Variants in CKAP5 observed in about 807,000 individuals in gnomAD.
The protein encoded by CKAP5 is cytoskeleton-associated protein 5.
CKAP5 carries 27 observed loss-of-function variants against 232.8 expected under a neutral mutation model. The ratio of observed to expected loss-of-function variants is 0.12; its 90% CI spans 0.09 to 0.16. The LOEUF is 0.16. Ranked by LOEUF, CKAP5 falls within the 10% of genes least tolerant of loss-of-function variation. The pLI, the probability that CKAP5 is intolerant of heterozygous loss-of-function variation, is 1.00. For synonymous variants in CKAP5, 785 were observed against 841.1 expected (o/e 0.93, Z 1.16); for missense variants, 1,838 against 2,424.7 (o/e 0.76, Z 5.08).
chr11:46,823,941 G>A (rs1939598467), intron 1 of CKAP5, among the ~76,000 whole-genome samples: 1 of 152,080 alleles, frequency 6.6e-6, no homozygotes. Context: ...TTTGTTTATT[G>A]AATATATACT....
At chr11:46,821,421 CTTTTTTTTT>C (rs369366613) in intron 1 of CKAP5, among the ~76,000 whole-genome samples, 153 bp from the exon 2 acceptor site, 1 of 105,200 alleles carries the variant, frequency 9.5e-6, no homozygotes, top group Admixed American at 1.3e-4. Context: ...ATTAACAGGA[CTTTTTTTTT>C]TTTTTTTTTT....
In CKAP5 at chr11:46,780,273, T is replaced by C. The variant is rs11038988; in HGVS notation, c.2354A>G (p.Tyr785Cys). Residue 785 changes from tyrosine to cysteine, a missense_variant, in exon 20 of 44, where the codon TAT becomes TGT. Around this residue, in one of 6 missense-constraint regions of CKAP5, gnomAD observed 767 missense variants for 954.6 expected, o/e 0.80. Coordinates refer to ENST00000529230, the MANE Select transcript of CKAP5 (RefSeq NM_001008938.4). ...GAACATTCGCAAAGAGGGACCAACATACAGATACATCACGCCAAGCAGGGT... is the reference window on the plus strand; with the variant it reads ...GAACATTCGCAAAGAGGGACCAACACACAGATACATCACGCCAAGCAGGGT... Reference protein sequence around the residue: ...AITLLGVMYLYVGPSLRMFFE... With the variant: ...AITLLGVMYLCVGPSLRMFFE... 1.4e-5 allele frequency: 22 copies of C among 1,613,998 alleles called. No homozygotes were observed. The East Asian group carries it at 2.7e-4, about 20-fold the overall frequency.
intron 32 of CKAP5, 69 bp from the exon 33 acceptor site, chr11:46,760,853 A>G (rs1207814516): frequency 1.5e-5 from 21 of 1,370,620 alleles, no homozygotes; most frequent in Non-Finnish European, 2.1e-5. Context: ...ATCAAAACAA[A>G]TAGAACCTTC....
In CKAP5 at chr11:46,821,192, G is replaced by C. The variant is rs760318784; in HGVS notation, c.40C>G (p.Gln14Glu). ...AATCTTACCTTGTGTTCACATTTCT[G>C]ATCAACTGGCAGTTTCAACCACTCA... ...DSEWLKLPVD[Q>E]KCEHKLWKAR... is the part of the protein sequence containing the mutation. Residue 14 changes from glutamine to glutamate, a missense_variant, in exon 2 of 44, where the codon CAG becomes GAG. Gln to Glu is a conservative substitution (Grantham distance 29, BLOSUM62 2). Coordinates refer to ENST00000529230, the MANE Select transcript of CKAP5 (RefSeq NM_001008938.4). 4.3e-6 allele frequency: 7 copies of C among 1,612,918 alleles called. No homozygotes were observed. The highest frequency in any genetic ancestry group is 5.9e-6 in the Non-Finnish European group (7 of 1,179,078).
intron 9 of CKAP5, among the ~76,000 whole-genome samples, chr11:46,799,049 G>C (rs142051999): frequency 6.6e-6 from 1 of 152,296 alleles, no homozygotes; most frequent in Non-Finnish European, 1.5e-5. Context: ...ACCCACGTGG[G>C]AGTGCAGTGG....
At position 46,744,545 on chromosome 11, in the gene CKAP5, G is replaced by GCA; in HGVS notation, c.5735_5736dup (p.Pro1913CysfsTer11). The GCA allele has an allele frequency of 6.2e-7, 1 of 1,614,070 alleles. No homozygotes were observed. Among genetic ancestry groups the GCA allele is most frequent in the Non-Finnish European group, 8.5e-7 (1 of 1,179,972 alleles). ...GAGGACACTGTGCTTGTGGGCGTGG[G>GCA]CACACATGTGACTTCCATCTGAGGG... On this transcript the variant is annotated frameshift_variant, in exon 43 of 44. Transcript: ENST00000529230. LOFTEE classifies it high-confidence loss of function.
intron 8 of CKAP5, 52 bp from the exon 9 acceptor site, chr11:46,801,356 G>A (rs765547528): frequency 8.0e-6 from 11 of 1,370,434 alleles, no homozygotes; most frequent in Non-Finnish European, 1.1e-5. Context: ...ATGTAGAAGG[G>A]TATTGAAATT....
At chr11:46,843,121 C>T (rs117734176) in intron 1 of CKAP5, among the ~76,000 whole-genome samples, 2,624 of 151,326 alleles carry the variant, frequency 0.017, 30 homozygotes, top group Non-Finnish European at 0.028. Flanking sequence ...CTGCTGGTCT[C>T]CCACCATTAA....
intron 1 of CKAP5, among the ~76,000 whole-genome samples, chr11:46,842,801 A>G (rs1405530031): frequency 6.6e-6 from 1 of 151,298 alleles, no homozygotes; most frequent in East Asian, 2.0e-4. Context: ...CCCCATCTCT[A>G]CTGAAAATAC....
intron 1 of CKAP5, among the ~76,000 whole-genome samples, chr11:46,831,861 C>T (rs1392238547): frequency 5.0e-4 from 60 of 119,036 alleles, no homozygotes; most frequent in African/African-American, 1.8e-3. Context: ...TAAACTTATC[C>T]TTTTTTTTTT....
intron 33 of CKAP5, 61 bp from the exon 34 acceptor site, chr11:46,759,503 T>C: frequency 6.7e-7 from 1 of 1,496,258 alleles, no homozygotes; most frequent in East Asian, 2.3e-5. Context: ...AGGGCAAGAG[T>C]AGCACTGTCA....
chr11:46,832,460 A>C (rs997066461), intron 1 of CKAP5, among the ~76,000 whole-genome samples: 13 of 152,182 alleles, frequency 8.5e-5, no homozygotes, highest in African/African-American at 3.1e-4. Context: ...ATTTAGTGCA[A>C]ACCTGGAGTC....
chr11:46,841,886 T>C (rs1380546134), intron 1 of CKAP5, among the ~76,000 whole-genome samples: 1 of 150,090 alleles, frequency 6.7e-6, no homozygotes, highest in East Asian at 2.0e-4. Flanking sequence ...TAATCCCAGC[T>C]ACTCAGGAGG....
intron 1 of CKAP5, among the ~76,000 whole-genome samples, chr11:46,835,607 G>C (rs893774426): frequency 1.2e-4 from 18 of 152,164 alleles, no homozygotes; most frequent in Admixed American, 7.9e-4. Flanking sequence ...TCAAAGTACA[G>C]AATAAATATA....
At position 46,751,270 on chromosome 11, in the gene CKAP5, T is replaced by G. The variant is rs773806575; in HGVS notation, c.5323-15A>C. 9 of 1,613,954 alleles carry G rather than the reference T, an allele frequency of 5.6e-6. No individual in the cohort carries two copies. The highest frequency in any genetic ancestry group is 1.6e-4 in the Middle Eastern group (1 of 6,084). ...TGGTCCAGGATCTGAGGGAGACACATGCATGACTGATAGCACTGCCATTTC... is the reference window on the plus strand; with the variant it reads ...TGGTCCAGGATCTGAGGGAGACACAGGCATGACTGATAGCACTGCCATTTC... On this transcript the variant is annotated splice_polypyrimidine_tract_variant and intron_variant, in intron 39 of 43. Transcript: ENST00000529230.
At chr11:46,797,627 C>T (rs1938910360) in intron 11 of CKAP5, among the ~76,000 whole-genome samples, 178 bp downstream of exon 11, 3 of 152,264 alleles carry the variant, frequency 2.0e-5, no homozygotes, top group Non-Finnish European at 4.4e-5. Context: ...CTTGTGCTTT[C>T]TTTCAAGAAG....
At position 46,744,406 on chromosome 11, in the gene CKAP5, C is replaced by T. The variant is rs145899000; in HGVS notation, c.5856+20G>A. ...TTGTGACTACCCTCCCTGAACTGCACAGAAGAAAAGGAGCAGTACCTTTGT... is the reference window on the plus strand; with the variant it reads ...TTGTGACTACCCTCCCTGAACTGCATAGAAGAAAAGGAGCAGTACCTTTGT... On this transcript the variant is annotated intron_variant, in intron 43 of 43. Transcript: ENST00000529230. 1.9e-6 allele frequency: 3 copies of T among 1,614,128 alleles called. No individual in the cohort carries two copies. The highest frequency in any genetic ancestry group is 1.1e-5 in the South Asian group (1 of 91,082).
intron 1 of CKAP5, among the ~76,000 whole-genome samples, chr11:46,831,732 A>C (rs1359748036): frequency 6.6e-6 from 1 of 151,708 alleles, no homozygotes; most frequent in Non-Finnish European, 1.5e-5. Flanking sequence ...GGGTCTCACT[A>C]TGTGGCCCAG....
At chr11:46,802,549 G>GACACAC (rs761221755) in intron 8 of CKAP5, among the ~76,000 whole-genome samples, 223 of 122,366 alleles carry the variant, frequency 1.8e-3, no homozygotes, top group South Asian at 4.2e-3. Context: ...CAGACAGACA[G>GACACAC]ACAGACAGAC....
Sources: allele counts gnomAD v4.1 joint callset (sites outside exome capture counted in the v4.1 genomes callset), GRCh38; gene constraint gnomAD v4.1.1; regional missense constraint gnomAD v4.1.1; transcripts MANE v1.5; gene names NCBI Gene and HGNC (gene_info 2026-07-23, HGNC 2026-07-21).